The following ACCSL variants were observed in gnomAD, a reference collection of about 807,000 sequenced individuals.
ACCSL encodes the protein probable inactive 1-aminocyclopropane-1-carboxylate synthase-like protein 2.
A neutral mutation model predicts 61.7 loss-of-function variants in ACCSL; 55 were observed. The ratio of observed to expected loss-of-function variants is 0.89; its 90% CI spans 0.72 to 1.12. The LOEUF is 1.12. Among genes scored for constraint, ACCSL ranks in the 50% most tolerant of loss-of-function variants. ACCSL has a pLI of 0.00. For synonymous variants in ACCSL, 258 were observed against 264.3 expected, an observed-to-expected ratio of 0.98 and a Z score of 0.23; for missense variants, 632 against 698.0, an observed-to-expected ratio of 0.91 and a Z score of 1.07.
chr11:44,023,344 C>CA, the ACCSL span, among the ~76,000 whole-genome samples: 6 of 152,150 alleles, frequency 3.9e-5, no homozygotes, highest in Non-Finnish European at 8.8e-5. Context: ...TGAGCCACCA[C>CA]ACCCGACCTA....
At chr11:44,049,327 G>A (rs916269562) in intron 1 of ACCSL, among the ~76,000 whole-genome samples, 17 of 151,012 alleles carry the variant, frequency 1.1e-4, no homozygotes, top group African/African-American at 3.4e-4. Context: ...AGCTAAGGTG[G>A]GAGGATCACT....
the ACCSL span, among the ~76,000 whole-genome samples, chr11:43,984,750 G>A: frequency 6.6e-6 from 1 of 152,234 alleles, no homozygotes; most frequent in African/African-American, 2.4e-5. Context: ...TGCACAATTG[G>A]TTTCCCAAAC....
the ACCSL span, among the ~76,000 whole-genome samples, chr11:43,970,649 C>T: frequency 6.6e-6 from 1 of 152,210 alleles, no homozygotes; most frequent in Non-Finnish European, 1.5e-5. Context: ...AACCATTTCT[C>T]TGCATGTTTT....
At chr11:44,052,830 A>G in intron 6 of ACCSL, 71 bp downstream of exon 6, 1 of 1,525,434 alleles carries the variant, frequency 6.6e-7, no homozygotes, top group Non-Finnish European at 9.1e-7. Context: ...CTAAAGGGGT[A>G]GAGGGGCTTG....
At chr11:43,930,964 A>G in the ACCSL span, among the ~76,000 whole-genome samples, 12 of 152,234 alleles carry the variant, frequency 7.9e-5, no homozygotes, top group Admixed American at 1.3e-4. Flanking sequence ...CTGATTGTAC[A>G]GCCCGTTGAT....
At chr11:43,965,066 C>T in the ACCSL span, among the ~76,000 whole-genome samples, 3 of 152,236 alleles carry the variant, frequency 2.0e-5, no homozygotes, top group Admixed American at 6.5e-5. Flanking sequence ...TGCTATTTAA[C>T]GTTGTACTGG....
chr11:44,023,041 C>CTTTTTTT, the ACCSL span, among the ~76,000 whole-genome samples: 33 of 86,414 alleles, frequency 3.8e-4, no homozygotes, highest in East Asian at 1.1e-3. Flanking sequence ...TCTTCTTCTT[C>CTTTTTTT]TTTTTTTTTT....
At chr11:43,945,696 A>C in the ACCSL span, 1 of 147,572 alleles carries the variant, frequency 6.8e-6, no homozygotes, top group African/African-American at 2.5e-5. Flanking sequence ...AAAAAAAAAA[A>C]AATTAGCCGG....
chr11:43,952,119 C>T, the ACCSL span, among the ~76,000 whole-genome samples: 7 of 150,412 alleles, frequency 4.7e-5, no homozygotes, highest in African/African-American at 9.8e-5. Context: ...AGGTTTCTTA[C>T]GTGGGTAAAT....
At chr11:43,949,038 T>C in the ACCSL span, among the ~76,000 whole-genome samples, 3 of 152,336 alleles carry the variant, frequency 2.0e-5, no homozygotes, top group East Asian at 1.9e-4. Flanking sequence ...TGCAGCATGA[T>C]TGATGGACAA....
At chr11:43,932,963 T>C in the ACCSL span, 85 of 411,156 alleles carry the variant, frequency 2.1e-4, no homozygotes, top group Admixed American at 8.5e-4. Flanking sequence ...ACAGCTCTAA[T>C]AGCAGAGGCT....
chr11:43,966,490 GA>G, the ACCSL span, among the ~76,000 whole-genome samples: 7 of 149,866 alleles, frequency 4.7e-5, no homozygotes, highest in African/African-American at 1.2e-4. Context: ...TAAAAATAGT[GA>G]AAAAAAAACC....
the ACCSL span, among the ~76,000 whole-genome samples, chr11:43,950,377 G>A: frequency 6.6e-5 from 10 of 152,326 alleles, no homozygotes; most frequent in East Asian, 1.7e-3. Context: ...GAGATATTTT[G>A]GGTTCACAAG....
the ACCSL span, chr11:43,944,145 C>CCTT: frequency 3.1e-6 from 1 of 322,090 alleles, no homozygotes; most frequent in Non-Finnish European, 6.0e-6. Flanking sequence ...GAAGTGAAGC[C>CCTT]GCAGGAGGGG....
the ACCSL span, among the ~76,000 whole-genome samples, chr11:43,995,646 T>C: frequency 3.0e-4 from 45 of 150,880 alleles, no homozygotes; most frequent in African/African-American, 1.1e-3. Flanking sequence ...CATGAGGAGG[T>C]AGGAAGGAGA....
chr11:43,998,482 C>T, the ACCSL span, among the ~76,000 whole-genome samples: 28 of 152,282 alleles, frequency 1.8e-4, no homozygotes, highest in African/African-American at 5.5e-4. Context: ...GTGGGCACAG[C>T]GCTGAGGTCT....
the ACCSL span, chr11:43,945,701 A>T: frequency 1.4e-4 from 20 of 146,078 alleles, no homozygotes; most frequent in African/African-American, 4.6e-4. Context: ...AAAAAAAATT[A>T]GCCGGACGTG....
At chr11:43,932,488 C>T in the ACCSL span, among the ~76,000 whole-genome samples, 9 of 152,288 alleles carry the variant, frequency 5.9e-5, no homozygotes, top group African/African-American at 9.6e-5. Context: ...AGGCAGGTCT[C>T]GAACTCCTGA....
the ACCSL span, among the ~76,000 whole-genome samples, chr11:43,947,401 C>T: frequency 9.9e-5 from 15 of 152,178 alleles, no homozygotes; most frequent in African/African-American, 2.4e-4. Context: ...CCCTATGCAA[C>T]GGCGGGGGCT....
Sources: allele counts gnomAD v4.1 joint callset (sites outside exome capture counted in the v4.1 genomes callset), GRCh38; gene constraint gnomAD v4.1.1; transcripts MANE v1.5; gene names NCBI Gene and HGNC (gene_info 2026-07-23, HGNC 2026-07-21).